The following TENM3 variants were observed in gnomAD, a reference collection of about 807,000 sequenced individuals.
TENM3 encodes the protein teneurin transmembrane protein 3.
A neutral mutation model predicts 255.1 loss-of-function variants in TENM3; 63 were observed. The ratio of observed to expected loss-of-function variants is 0.25; its 90% CI spans 0.20 to 0.30. The LOEUF is 0.30. Ranked by LOEUF, TENM3 falls within the 10% of genes least tolerant of loss-of-function variation. TENM3 has a pLI of 1.00. For synonymous variants in TENM3, 1,306 were observed against 1,322.3 expected, an observed-to-expected ratio of 0.99 and a Z score of 0.27; for missense variants, 2,929 against 3,461.1, an observed-to-expected ratio of 0.85 and a Z score of 3.86.
the TENM3 span, among the ~76,000 whole-genome samples, chr4:181,899,610 C>G: frequency 2.6e-5 from 4 of 151,808 alleles, no homozygotes; most frequent in African/African-American, 9.7e-5. Context: ...TCTCTGTCAC[C>G]AGGCTGGAGT....
At chr4:182,575,024 G>C (rs1744783616) in intron 3 of TENM3, among the ~76,000 whole-genome samples, 1 of 152,108 alleles carries the variant, frequency 6.6e-6, no homozygotes, top group Non-Finnish European at 1.5e-5. Context: ...AAAGGATTAA[G>C]AAAAGCCCCT....
At chr4:182,372,968 G>A (rs770524373) in intron 3 of TENM3, among the ~76,000 whole-genome samples, 7 of 152,020 alleles carry the variant, frequency 4.6e-5, no homozygotes, top group African/African-American at 7.2e-5. Context: ...TCAAACTCCC[G>A]AACTCAAGCA....
chr4:182,572,261 C>T (rs1254261381), intron 3 of TENM3, among the ~76,000 whole-genome samples: 1 of 152,182 alleles, frequency 6.6e-6, no homozygotes, highest in African/African-American at 2.4e-5. Context: ...GAATTGCACA[C>T]AACAGCATAT....
the TENM3 span, among the ~76,000 whole-genome samples, chr4:181,756,650 G>A: frequency 1.2e-3 from 182 of 152,322 alleles, 1 homozygote; most frequent in African/African-American, 4.1e-3. Flanking sequence ...GCAGTTTGCT[G>A]TGAGCAGTGC....
the TENM3 span, among the ~76,000 whole-genome samples, chr4:182,014,418 C>T: frequency 6.6e-6 from 1 of 151,962 alleles, no homozygotes; most frequent in Non-Finnish European, 1.5e-5. Context: ...ACGCCATAGC[C>T]ATCTCAGTCA....
chr4:182,642,443 T>A (rs1036718376), intron 5 of TENM3, among the ~76,000 whole-genome samples: 12 of 152,134 alleles, frequency 7.9e-5, no homozygotes, highest in Non-Finnish European at 1.5e-5. Context: ...AAAGAAAAAA[T>A]GCAAGGAAAC....
chr4:182,265,368 G>A (rs1458205181), intron 1 of TENM3, among the ~76,000 whole-genome samples: 1 of 152,062 alleles, frequency 6.6e-6, no homozygotes, highest in Non-Finnish European at 1.5e-5. Flanking sequence ...TCCACCCCAC[G>A]CTGGAGATGA....
chr4:182,515,170 C>T (rs544160649), intron 3 of TENM3, among the ~76,000 whole-genome samples: 2 of 152,114 alleles, frequency 1.3e-5, no homozygotes, highest in East Asian at 1.9e-4. Context: ...AAAAATGAAT[C>T]GGAAGTGAGG....
At chr4:181,651,369 G>A in the TENM3 span, among the ~76,000 whole-genome samples, 1 of 152,136 alleles carries the variant, frequency 6.6e-6, no homozygotes, top group Non-Finnish European at 1.5e-5. Flanking sequence ...AGAGGCCAAG[G>A]CAGATGGATC....
intron 3 of TENM3, among the ~76,000 whole-genome samples, chr4:182,524,431 G>A (rs1411323562): frequency 7.6e-6 from 1 of 131,500 alleles, no homozygotes; most frequent in Non-Finnish European, 1.5e-5. Flanking sequence ...GCATGACCAC[G>A]GTTCACTCTA....
At chr4:182,160,597 C>T (rs1446763354) in intron 1 of TENM3, among the ~76,000 whole-genome samples, 2 of 152,106 alleles carry the variant, frequency 1.3e-5, no homozygotes, top group African/African-American at 4.8e-5. Flanking sequence ...GCAGAGAGAC[C>T]AATACCGTAG....
intron 12 of TENM3, among the ~76,000 whole-genome samples, chr4:182,695,943 A>G (rs1757366167): frequency 6.6e-6 from 1 of 152,226 alleles, no homozygotes; most frequent in Non-Finnish European, 1.5e-5. Context: ...AGTACTGCAG[A>G]TACTGAGTTC....
chr4:181,574,767 G>T, the TENM3 span, among the ~76,000 whole-genome samples: 1 of 151,784 alleles, frequency 6.6e-6, no homozygotes, highest in African/African-American at 2.4e-5. Flanking sequence ...AACTGGAGAG[G>T]GCTAACTTAG....
At chr4:182,576,525 T>G (rs1744937734) in intron 3 of TENM3, among the ~76,000 whole-genome samples, 1 of 152,230 alleles carries the variant, frequency 6.6e-6, no homozygotes, top group Non-Finnish European at 1.5e-5. Flanking sequence ...GATCTTGTGA[T>G]GTGAAGTAAT....
rs183790688 is a variant in TENM3, at chr4:182,503,388, A to G, written c.512-97536A>G. ...GTTCAGTTGGCAGACTCTGCCCCTC[A>G]GTTATTCCTCTCCAGTTTTGCTGGC... is the stretch of plus-strand genomic sequence containing the variant. On this transcript the variant is annotated intron_variant, in intron 3 of 27. Transcript: ENST00000511685. Among the ~76,000 whole-genome samples the G allele has an allele frequency of 1.2e-4, 19 of 152,234 alleles. No individual in the cohort carries two copies. In the East Asian group the frequency reaches 3.7e-3, roughly 29 times the overall value.
chr4:182,631,356 TTTAA>T (rs1224880840), intron 5 of TENM3: 7 of 152,234 alleles, frequency 4.6e-5, no homozygotes, highest in Non-Finnish European at 8.8e-5. Context: ...CTTTTATCAC[TTTAA>T]TTAAGCACAT....
chr4:181,488,797 G>A, the TENM3 span, among the ~76,000 whole-genome samples: 14,219 of 152,110 alleles, frequency 0.093, 825 homozygotes, highest in South Asian at 0.23. Flanking sequence ...CAGGTTGAAT[G>A]CACACAGCAG....
chr4:181,531,373 G>A, the TENM3 span, among the ~76,000 whole-genome samples: 13 of 152,304 alleles, frequency 8.5e-5, no homozygotes, highest in Admixed American at 4.6e-4. Flanking sequence ...CTTAGCTTTG[G>A]TGCTATGACA....
the TENM3 span, among the ~76,000 whole-genome samples, chr4:181,653,277 T>G: frequency 6.6e-6 from 1 of 152,210 alleles, no homozygotes; most frequent in Non-Finnish European, 1.5e-5. Flanking sequence ...CTTTTCTGAT[T>G]CAGTAGGTCT....
Sources: allele counts gnomAD v4.1 joint callset (sites outside exome capture counted in the v4.1 genomes callset), GRCh38; gene constraint gnomAD v4.1.1; transcripts MANE v1.5; gene names NCBI Gene and HGNC (gene_info 2026-07-23, HGNC 2026-07-21).